SORCS3: variants seen among roughly 807,000 people sequenced by gnomAD.
SORCS3 encodes the protein VPS10 domain-containing receptor SorCS3.
A neutral mutation model predicts 146.3 loss-of-function variants in SORCS3; 57 were observed. The ratio of observed to expected loss-of-function variants is 0.39; its 90% CI spans 0.31 to 0.49. The LOEUF (loss-of-function observed/expected upper bound fraction) is 0.49. Ranked by LOEUF, SORCS3 falls within the 20% of genes least tolerant of loss-of-function variation. SORCS3 has a pLI of 0.92. For missense variants in SORCS3, 1,341 were observed against 1,575.5 expected (o/e 0.85, Z 2.52); for synonymous variants, 653 against 618.5 (o/e 1.06, Z -0.83).
intron 2 of SORCS3, among the ~76,000 whole-genome samples, chr10:104,862,890 G>A (rs904819591): frequency 9.9e-5 from 15 of 152,126 alleles, no homozygotes; most frequent in African/African-American, 3.1e-4. Flanking sequence ...TAAGATTGAA[G>A]AGTTCCCACC....
intron 11 of SORCS3, among the ~76,000 whole-genome samples, chr10:105,161,650 T>C (rs1386656863): frequency 6.6e-6 from 1 of 152,206 alleles, no homozygotes; most frequent in African/African-American, 2.4e-5. Context: ...CTTAACACTG[T>C]GGTTTCAAGC....
intron 2 of SORCS3, among the ~76,000 whole-genome samples, chr10:104,845,093 C>T (rs2018188619): frequency 6.6e-6 from 1 of 152,182 alleles, no homozygotes; most frequent in Non-Finnish European, 1.5e-5. Context: ...TTTCCCTCTG[C>T]CTAGTGCTCC....
intron 5 of SORCS3, among the ~76,000 whole-genome samples, chr10:105,062,289 CTGTGT>C (rs2055493165): frequency 1.3e-5 from 2 of 152,166 alleles, no homozygotes; most frequent in South Asian, 4.1e-4. Flanking sequence ...TGGCCGCAGA[CTGTGT>C]AGGTTTAAAC....
intron 6 of SORCS3, among the ~76,000 whole-genome samples, chr10:105,097,328 C>T (rs747881827): frequency 6.6e-6 from 1 of 152,224 alleles, no homozygotes; most frequent in African/African-American, 2.4e-5. Context: ...AACAACTGTG[C>T]GAATAATCCT....
intron 5 of SORCS3, among the ~76,000 whole-genome samples, chr10:105,053,867 G>T (rs1456833401): frequency 6.6e-6 from 1 of 151,786 alleles, no homozygotes; most frequent in Non-Finnish European, 1.5e-5. Flanking sequence ...ATTTGTTCAA[G>T]GTCTGATTAT....
At position 105,018,208 on chromosome 10, in the gene SORCS3, G is replaced by A. The variant is rs181614785; in HGVS notation, c.955-24847G>A. On this transcript the variant is annotated intron_variant, in intron 4 of 26. Coordinates refer to ENST00000369701, the MANE Select transcript of SORCS3 (RefSeq NM_014978.3). ...TTTCTGGTGGTGTTTTTGTTCTCAG[G>A]CGACGTTCCCCTCAGAGGGGCAGGA... Among the ~76,000 whole-genome samples, 238 of 152,300 alleles carry A rather than the reference G, an allele frequency of 1.6e-3. 1 individual carries two copies. Among genetic ancestry groups the A allele is most frequent in the African/African-American group, 5.5e-3 (228 of 41,574 alleles).
chr10:104,924,013 C>T (rs893462244), intron 3 of SORCS3, among the ~76,000 whole-genome samples: 17 of 152,294 alleles, frequency 1.1e-4, no homozygotes, highest in Admixed American at 8.5e-4. Context: ...GATGTTGGCA[C>T]GATCATCATG....
At chr10:104,817,388 C>G (rs1448842686) in intron 1 of SORCS3, among the ~76,000 whole-genome samples, 1 of 104,948 alleles carries the variant, frequency 9.5e-6, no homozygotes, top group Non-Finnish European at 2.0e-5. Flanking sequence ...TCCCCCTCCT[C>G]CTCCTCCTTC....
intron 10 of SORCS3, among the ~76,000 whole-genome samples, chr10:105,158,360 A>G (rs1312983008): frequency 6.6e-6 from 1 of 152,270 alleles, no homozygotes; most frequent in Non-Finnish European, 1.5e-5. Flanking sequence ...TATAGGTTTT[A>G]GATGATGGCT....
chr10:105,053,908 A>G (rs1400789779), intron 5 of SORCS3, among the ~76,000 whole-genome samples: 1 of 152,078 alleles, frequency 6.6e-6, no homozygotes, highest in African/African-American at 2.4e-5. Context: ...CTACCAAACT[A>G]TATATATAAA....
chr10:104,948,799 C>A (rs1006205603), intron 3 of SORCS3, among the ~76,000 whole-genome samples: 1 of 152,072 alleles, frequency 6.6e-6, no homozygotes, highest in Non-Finnish European at 1.5e-5. Context: ...CTTTTTTATT[C>A]CAGCATTGAT....
intron 1 of SORCS3, among the ~76,000 whole-genome samples, chr10:104,828,588 G>A (rs1409610750): frequency 6.6e-6 from 1 of 152,116 alleles, no homozygotes; most frequent in Non-Finnish European, 1.5e-5. Context: ...AGGGACACAA[G>A]GTGGGCACAT....
intron 14 of SORCS3, among the ~76,000 whole-genome samples, chr10:105,184,906 A>G (rs2056465711): frequency 1.3e-5 from 2 of 152,174 alleles, no homozygotes; most frequent in Admixed American, 1.3e-4. Context: ...TATACATCAG[A>G]TTTCTAGAAC....
At chr10:104,908,214 T>C (rs2018928811) in intron 2 of SORCS3, among the ~76,000 whole-genome samples, 1 of 152,216 alleles carries the variant, frequency 6.6e-6, no homozygotes, top group South Asian at 2.1e-4. Flanking sequence ...CTTGGAAGCA[T>C]AGTTGTATCT....
chr10:104,645,902 C>A (rs1250201787), intron 1 of SORCS3, among the ~76,000 whole-genome samples: 2 of 152,160 alleles, frequency 1.3e-5, no homozygotes, highest in African/African-American at 4.8e-5. Context: ...GGCTGGATTG[C>A]TTGTCTTCAT....
chr10:104,889,781 T>C (rs944581290), intron 2 of SORCS3, among the ~76,000 whole-genome samples: 6 of 152,188 alleles, frequency 3.9e-5, no homozygotes, highest in Non-Finnish European at 7.4e-5. Flanking sequence ...TTTATCCATG[T>C]AGTCACCATT....
chr10:104,982,333 G>C (rs2054935845), intron 4 of SORCS3, among the ~76,000 whole-genome samples: 1 of 152,188 alleles, frequency 6.6e-6, no homozygotes, highest in South Asian at 2.1e-4. Context: ...CAAAGAAACT[G>C]TGACTTTCAT....
At chr10:104,954,976 A>G (rs74155074) in intron 3 of SORCS3, among the ~76,000 whole-genome samples, 2,623 of 152,258 alleles carry the variant, frequency 0.017, 69 homozygotes, top group African/African-American at 0.06. Context: ...TTTGAAGTGA[A>G]ATTCACATAA....
chr10:105,123,739 C>T (rs2055952644), intron 7 of SORCS3, among the ~76,000 whole-genome samples: 1 of 152,040 alleles, frequency 6.6e-6, no homozygotes, highest in Non-Finnish European at 1.5e-5. Context: ...TTGTGAGAGA[C>T]AATAATAGGA....
Sources: gnomAD v4.1 joint callset for allele counts (sites outside exome capture counted in the v4.1 genomes callset) on GRCh38, gnomAD v4.1.1 for gene constraint, MANE v1.5 for transcripts, NCBI Gene and HGNC (gene_info 2026-07-23, HGNC 2026-07-21) for gene names.